The following ADGRE3 variants were observed in gnomAD, a reference collection of about 807,000 sequenced individuals.
ADGRE3 encodes adhesion G protein-coupled receptor E3, also known as EGF-like module receptor 3.
A neutral mutation model predicts 80.1 loss-of-function variants in ADGRE3; 88 were observed. That is an observed-to-expected ratio of 1.10 (90% confidence interval 0.93 to 1.31). ADGRE3 has a LOEUF of 1.31. ADGRE3 is among the 40% of genes most tolerant of loss of function. The probability of loss-of-function intolerance (pLI) is 0.00; values close to 1 mark genes in which losing one functional copy is unlikely to be tolerated. For missense variants in ADGRE3, 715 were observed against 776.5 expected (o/e 0.92, Z 0.94); for synonymous variants, 281 against 294.8 (o/e 0.95, Z 0.48).
Position 14,659,822 on chromosome 19 carries a change from G to GAAAAAAAAAA in ADGRE3, c.356-1282_356-1273dup, listed in dbSNP as rs66908687. On this transcript the variant is annotated intron_variant, in intron 4 of 15. Coordinates refer to ENST00000253673, the MANE Select transcript of ADGRE3 (RefSeq NM_032571.5). Reference sequence around the variant, plus strand: ...GGAGACAGAGCGAGACTCTGCCTCTGAAAAAAAAAAAAAAAAAAAAAAAAA... The same window carrying GAAAAAAAAAA: ...GGAGACAGAGCGAGACTCTGCCTCTGAAAAAAAAAAAAAAAAAAAAAAAAAAAAAAAAAAA... Among the ~76,000 whole-genome samples, 97 of 44,818 alleles carry GAAAAAAAAAA rather than the reference G, an allele frequency of 2.2e-3. 15 individuals are homozygous for GAAAAAAAAAA. Among genetic ancestry groups the GAAAAAAAAAA allele is most frequent in the Middle Eastern group, 0.019 (1 of 54 alleles). 29.4% of individuals were successfully genotyped at this position (44,818 alleles called of 152,430 possible).
intron 14 of ADGRE3, among the ~76,000 whole-genome samples, chr19:14,627,010 C>G (rs1449021338): frequency 6.6e-6 from 1 of 152,156 alleles, no homozygotes; most frequent in Non-Finnish European, 1.5e-5. Context: ...GAGACAGAAG[C>G]CAAAGGGATA....
chr19:14,620,548 T>TATAATATATATATATATATA lies in ADGRE3; in HGVS notation c.1921-1078_1921-1077insTATATATATATATATATTAT. 2.8e-4 allele frequency among the ~76,000 whole-genome samples: 7 copies of TATAATATATATATATATATA among 24,974 alleles called. 1 individual carries two copies. Among genetic ancestry groups the TATAATATATATATATATATA allele is most frequent in the Admixed American group, 1.6e-3 (2 of 1,278 alleles). The allele number at this position is 24,974 out of a possible 152,430, so 16.4% of individuals were successfully genotyped here. A position where few individuals can be genotyped will look rare whatever the true frequency, so the allele number is the denominator to read the frequency against. ...TGAATATATATATTTTATATATATA[T>TATAATATATATATATATATA]TATATATATATATATATATATTTTT... On this transcript the variant is annotated intron_variant, in intron 15 of 15. Coordinates refer to ENST00000253673, the MANE Select transcript of ADGRE3 (RefSeq NM_032571.5).
At chr19:14,670,638 C>T (rs1972231549) in intron 1 of ADGRE3, among the ~76,000 whole-genome samples, 1 of 152,214 alleles carries the variant, frequency 6.6e-6, no homozygotes, top group African/African-American at 2.4e-5. Context: ...CCTGCTTCTG[C>T]AAAGACCTAA....
At chr19:14,630,324 A>T in intron 13 of ADGRE3, 117 bp from the exon 14 acceptor site, 8 of 723,122 alleles carry the variant, frequency 1.1e-5, no homozygotes, top group Non-Finnish European at 1.6e-5. Context: ...GTTTAAATGG[A>T]AGCCAGCACT....
intron 11 of ADGRE3, among the ~76,000 whole-genome samples, chr19:14,637,784 C>A (rs1212229274): frequency 6.6e-6 from 1 of 151,886 alleles, no homozygotes; most frequent in Non-Finnish European, 1.5e-5. Flanking sequence ...CCACGTTGGC[C>A]TCCCAAATTG....
At chr19:14,628,750 T>C in intron 14 of ADGRE3, 1 of 338,008 alleles carries the variant, frequency 3.0e-6, no homozygotes, top group Non-Finnish European at 5.8e-6. Context: ...ACAGCCAGTG[T>C]TACAAGGAAG....
intron 7 of ADGRE3, among the ~76,000 whole-genome samples, chr19:14,650,638 TCTCTCTCTCTC>T (rs1434315346): frequency 0.32 from 27,748 of 86,258 alleles, 3,513 homozygotes; most frequent in South Asian, 0.41. Flanking sequence ...CATCTCTCTC[TCTCTCTCTCTC>T]TCTCTCTCTC....
At chr19:14,610,336 A>C in the ADGRE3 span, 2 of 1,213,466 alleles carry the variant, frequency 1.6e-6, no homozygotes, top group Non-Finnish European at 2.3e-6. Flanking sequence ...TGGATGCAGC[A>C]AGTTCCCAGG....
chr19:14,628,080 G>C (rs1001626484), intron 14 of ADGRE3, among the ~76,000 whole-genome samples: 3 of 151,896 alleles, frequency 2.0e-5, no homozygotes, highest in Admixed American at 6.6e-5. Context: ...GTGGGCTGAG[G>C]TCGTGCCATT....
At chr19:14,665,936 G>GTATATATATATATATA (rs71309616) in intron 2 of ADGRE3, among the ~76,000 whole-genome samples, 1 of 42,094 alleles carries the variant, frequency 2.4e-5, no homozygotes, top group African/African-American at 1.1e-4. Context: ...ACACATATGT[G>GTATATATATATATATA]TATATATATA....
chr19:14,661,869 A>T, intron 4 of ADGRE3, 94 bp downstream of exon 4: 1 of 1,381,300 alleles, frequency 7.2e-7, no homozygotes, highest in Non-Finnish European at 1.0e-6. Context: ...TGGGCTACAG[A>T]GCGAGACTCT....
chr19:14,612,956 T>C, the ADGRE3 span, among the ~76,000 whole-genome samples: 1 of 151,982 alleles, frequency 6.6e-6, no homozygotes, highest in African/African-American at 2.4e-5. Context: ...GACAGAGTCT[T>C]GCTCTGTTGC....
At chr19:14,624,080 C>T (rs1970670144) in intron 15 of ADGRE3, among the ~76,000 whole-genome samples, 1 of 150,516 alleles carries the variant, frequency 6.6e-6, no homozygotes. Flanking sequence ...ACTACAACGC[C>T]ACCACACCTG....
Position 14,651,186 on chromosome 19 carries a change from A to AGACAATG in ADGRE3, c.595_596insCATTGTC (p.Ile199ThrfsTer9), listed in dbSNP as rs754234865. On this transcript the variant is annotated frameshift_variant, in exon 7 of 16. Transcript: ENST00000253673. LOFTEE classifies it high-confidence loss of function. ...TCTTTCTTCAGAGCAATTGTCTGTA[A>AGACAATG]TCGCTTGAGTTTCAATAGCTGGTAA... The AGACAATG allele has an allele frequency of 3.6e-5, 58 of 1,614,014 alleles. No homozygotes were observed. Among genetic ancestry groups the AGACAATG allele is most frequent in the Non-Finnish European group, 4.6e-5 (54 of 1,180,008 alleles).
At chr19:14,674,608 G>T in intron 1 of ADGRE3, 138 bp downstream of exon 1, 1 of 795,228 alleles carries the variant, frequency 1.3e-6, no homozygotes, top group African/African-American at 1.7e-5. Flanking sequence ...TAGTCAGGAA[G>T]GAAACCACAC....
the ADGRE3 span, among the ~76,000 whole-genome samples, chr19:14,607,867 C>T: frequency 1.3e-5 from 2 of 151,674 alleles, no homozygotes; most frequent in African/African-American, 2.4e-5. Flanking sequence ...TGAGCCACTG[C>T]GCCCAACCTT....
At chr19:14,662,999 CAGTG>C (rs1177736571) in intron 3 of ADGRE3, among the ~76,000 whole-genome samples, 1 of 151,310 alleles carries the variant, frequency 6.6e-6, no homozygotes, top group African/African-American at 2.4e-5. Flanking sequence ...TTGGAGGCTG[CAGTG>C]AGTGTTTTTA....
At chr19:14,612,141 C>A in the ADGRE3 span, among the ~76,000 whole-genome samples, 2 of 152,176 alleles carry the variant, frequency 1.3e-5, no homozygotes, top group Non-Finnish European at 2.9e-5. Context: ...TTTGCTGGGG[C>A]TGCCATAACA....
chr19:14,621,459 A>G (rs1187434605), intron 15 of ADGRE3, among the ~76,000 whole-genome samples: 1 of 151,786 alleles, frequency 6.6e-6, no homozygotes, highest in Non-Finnish European at 1.5e-5. Flanking sequence ...TGTCTCAGAA[A>G]AAAAAAAAAG....
Sources: gnomAD v4.1 joint callset for allele counts (sites outside exome capture counted in the v4.1 genomes callset) on GRCh38, gnomAD v4.1.1 for gene constraint, MANE v1.5 for transcripts, NCBI Gene and HGNC (gene_info 2026-07-23, HGNC 2026-07-21) for gene names.